The following NETO1 variants were observed in gnomAD, a reference collection of about 807,000 sequenced individuals.
The protein encoded by NETO1 is neuropilin and tolloid like 1, also known as neuropilin and tolloid-like protein 1.
In NETO1, 26 loss-of-function variants were observed where a neutral mutation model predicts 61.3. That is an observed-to-expected ratio of 0.42 (90% CI 0.31 to 0.59). The LOEUF is 0.59. Among genes scored for constraint, NETO1 ranks in the 20% least tolerant of loss-of-function variants. The pLI is 0.12. For synonymous variants in NETO1, 225 were observed against 225.8 expected, an observed-to-expected ratio of 1.00 and a Z score of 0.03; for missense variants, 531 against 662.8, an observed-to-expected ratio of 0.80 and a Z score of 2.18.
At chr18:72,821,234 TAAAAA>T (rs10672110) in intron 4 of NETO1, among the ~76,000 whole-genome samples, 1 of 80,220 alleles carries the variant, frequency 1.2e-5, no homozygotes, top group Admixed American at 1.5e-4. Context: ...TCATATTAAC[TAAAAA>T]AAAAAAAAAA....
chr18:72,859,683 TCA>T (rs2074510223), intron 3 of NETO1, among the ~76,000 whole-genome samples: 1 of 152,160 alleles, frequency 6.6e-6, no homozygotes, highest in South Asian at 2.1e-4. Context: ...CCCTATCCCC[TCA>T]CAGAGAGCCT....
intron 6 of NETO1, among the ~76,000 whole-genome samples, chr18:72,792,535 T>C (rs1461394578): frequency 6.6e-6 from 1 of 151,876 alleles, no homozygotes; most frequent in African/African-American, 2.4e-5. Flanking sequence ...TTCCCTCATG[T>C]TGGACCACCA....
chr18:72,783,857 T>C lies in NETO1; in HGVS notation c.689A>G (p.Lys230Arg). Reference sequence around the variant, plus strand: ...ATCATACACAGCCACAAAATTCCTCTTGCACTCATTTGAATTCTGCATCTC... The same window carrying C: ...ATCATACACAGCCACAAAATTCCTCCTGCACTCATTTGAATTCTGCATCTC... ...DYEMQNSNEC[K>R]RNFVAVYDGS... The change falls in exon 7 of 11, where the codon AAG becomes AGG. Residue 230 changes from lysine (K) to arginine (R), a missense_variant. By Grantham distance (26) the Lys-to-Arg change is conservative. Transcript: ENST00000327305. The C allele has an allele frequency of 6.2e-7, 1 of 1,614,100 alleles. No homozygotes were observed. Among genetic ancestry groups the C allele is most frequent in the Admixed American group, 1.7e-5 (1 of 60,020 alleles).
At chr18:72,763,613 T>TTC (rs2071054927) in intron 7 of NETO1, among the ~76,000 whole-genome samples, 1 of 147,524 alleles carries the variant, frequency 6.8e-6, no homozygotes, top group Admixed American at 6.7e-5. Context: ...ACACACACCA[T>TTC]TCACACACAC....
chr18:72,856,661 C>G (rs750943901), intron 4 of NETO1, among the ~76,000 whole-genome samples: 4 of 152,166 alleles, frequency 2.6e-5, no homozygotes, highest in Non-Finnish European at 5.9e-5. Context: ...AAAGCCAGAA[C>G]TGGAAGTCAG....
At chr18:72,829,957 T>C (rs1338484374) in intron 4 of NETO1, among the ~76,000 whole-genome samples, 2 of 152,144 alleles carry the variant, frequency 1.3e-5, no homozygotes, top group Non-Finnish European at 2.9e-5. Context: ...TCGCAGTGTA[T>C]CCACAGAGGA....
At chr18:72,794,749 A>G (rs2072254704) in intron 4 of NETO1, among the ~76,000 whole-genome samples, 1 of 152,186 alleles carries the variant, frequency 6.6e-6, no homozygotes, top group Non-Finnish European at 1.5e-5. Flanking sequence ...TCTATCCTCT[A>G]TAACAGGAGA....
At chr18:72,759,432 T>C (rs888519695) in intron 7 of NETO1, among the ~76,000 whole-genome samples, 8 of 152,232 alleles carry the variant, frequency 5.3e-5, no homozygotes, top group Non-Finnish European at 1.5e-5. Context: ...AATTAATGTT[T>C]ATGTTTAATC....
In NETO1 at chr18:72,799,333, A is replaced by G. The variant is rs533423838; in HGVS notation, c.470-4929T>C. ...CCAGTACTGACAACGAGTCAACAAT[A>G]TCTGTTTCTGTATGGTGTATTTTTC... On this transcript the variant is annotated intron_variant, in intron 4 of 10. Transcript: ENST00000327305. Among the ~76,000 whole-genome samples, 24 of 152,332 alleles carry G rather than the reference A, an allele frequency of 1.6e-4. 1 individual carries two copies. The South Asian group carries it at 3.3e-3, about 21-fold the overall frequency.
At chr18:72,864,468 A>T (rs1184438078) in intron 3 of NETO1, among the ~76,000 whole-genome samples, 1 of 152,246 alleles carries the variant, frequency 6.6e-6, no homozygotes, top group Non-Finnish European at 1.5e-5. Context: ...AGCTAAAAAA[A>T]TGCTAGTTTC....
chr18:72,851,712 A>T (rs1452521141), intron 4 of NETO1, among the ~76,000 whole-genome samples: 3 of 152,216 alleles, frequency 2.0e-5, no homozygotes, highest in Non-Finnish European at 4.4e-5. Flanking sequence ...AACAACATGG[A>T]GAAGATGAAT....
intron 7 of NETO1, among the ~76,000 whole-genome samples, chr18:72,777,049 T>A (rs2071570575): frequency 6.6e-6 from 1 of 152,144 alleles, no homozygotes; most frequent in South Asian, 2.1e-4. Context: ...CATAGGACAG[T>A]CATGCCCAGT....
chr18:72,820,627 G>A (rs1373148517), intron 4 of NETO1, among the ~76,000 whole-genome samples: 3 of 152,326 alleles, frequency 2.0e-5, no homozygotes, highest in South Asian at 2.1e-4. Flanking sequence ...CTCTGGATGC[G>A]TCTGGATGAG....
In NETO1 at chr18:72,827,489, A is replaced by G. The variant is rs187864541; in HGVS notation, c.469+31337T>C. ...CAAGGGGCCAGGCCCAAAGCAGGAG[A>G]AAATTTGAGAAACAAGATTGCAAGA... is the stretch of plus-strand genomic sequence containing the variant. On this transcript the variant is annotated intron_variant, in intron 4 of 10. Transcript: ENST00000327305. Among the ~76,000 whole-genome samples the G allele has an allele frequency of 1.1e-3, 171 of 152,306 alleles. 1 individual carries two copies. Among genetic ancestry groups the G allele is most frequent in the African/African-American group, 3.6e-3 (148 of 41,572 alleles).
intron 4 of NETO1, among the ~76,000 whole-genome samples, chr18:72,809,346 AC>A (rs2072784649): frequency 6.6e-6 from 1 of 152,222 alleles, no homozygotes; most frequent in African/African-American, 2.4e-5. Flanking sequence ...TTAAAAAGCC[AC>A]CGACGAGGAA....
intron 4 of NETO1, among the ~76,000 whole-genome samples, chr18:72,818,833 C>A (rs13381153): frequency 0.53 from 80,046 of 151,928 alleles, 21,832 homozygotes; most frequent in Non-Finnish European, 0.6. Context: ...AAAACTCTCA[C>A]AATAGTCACT....
chr18:72,825,520 CTTTGT>C (rs756162077), intron 4 of NETO1, among the ~76,000 whole-genome samples: 8 of 151,458 alleles, frequency 5.3e-5, no homozygotes, highest in Admixed American at 2.6e-4. Context: ...TTCTTAGTTT[CTTTGT>C]TTTATTTCAT....
chr18:72,825,006 C>G (rs919320404), intron 4 of NETO1, among the ~76,000 whole-genome samples: 4 of 152,090 alleles, frequency 2.6e-5, no homozygotes, highest in South Asian at 2.1e-4. Context: ...CAAAATAAAA[C>G]AAGAAATCTA....
intron 4 of NETO1, among the ~76,000 whole-genome samples, chr18:72,812,127 AAATCACTGCATT>A (rs2072888002): frequency 6.6e-6 from 1 of 152,254 alleles, no homozygotes; most frequent in African/African-American, 2.4e-5. Flanking sequence ...TTAAGTGGTG[AAATCACTGCATT>A]ATATGAAATA....
Sources: allele counts gnomAD v4.1 joint callset (sites outside exome capture counted in the v4.1 genomes callset), GRCh38; gene constraint gnomAD v4.1.1; transcripts MANE v1.5; gene names NCBI Gene and HGNC (gene_info 2026-07-23, HGNC 2026-07-21).